ELAVL4: variants seen among roughly 807,000 people sequenced by gnomAD.
The protein encoded by ELAVL4 is ELAV-like protein 4.
In ELAVL4, 1 loss-of-function variant was observed where a neutral mutation model predicts 35.6. The observed-to-expected ratio is 0.03, with a 90% CI of 0.01 to 0.13. ELAVL4 has a LOEUF of 0.13. ELAVL4 is among the 10% of genes least tolerant of loss of function. The probability of loss-of-function intolerance (pLI) is 1.00; values close to 1 mark genes in which losing one functional copy is unlikely to be tolerated. For synonymous variants in ELAVL4, 156 were observed against 171.0 expected (o/e 0.91, Z 0.69); for missense variants, 267 against 464.9 (o/e 0.57, Z 3.91).
intron 1 of ELAVL4, among the ~76,000 whole-genome samples, chr1:50,140,179 T>G (rs1236361158): frequency 3.3e-5 from 5 of 152,228 alleles, no homozygotes; most frequent in Middle Eastern, 3.2e-3. Flanking sequence ...GCTTGGAACC[T>G]GGTCAGCTGC....
At chr1:50,149,026 C>CT (rs1674253795) in intron 2 of ELAVL4, among the ~76,000 whole-genome samples, 2 of 152,006 alleles carry the variant, frequency 1.3e-5, no homozygotes, top group East Asian at 1.9e-4. Context: ...ATTTCTTTGC[C>CT]TTTTTTGCAT....
At chr1:50,129,676 G>A (rs951926427) in intron 1 of ELAVL4, among the ~76,000 whole-genome samples, 14 of 152,076 alleles carry the variant, frequency 9.2e-5, no homozygotes, top group South Asian at 2.1e-4. Flanking sequence ...TGTTTGTGGA[G>A]CATTGTGAAG....
At chr1:50,157,998 T>A (rs1676053091) in intron 2 of ELAVL4, among the ~76,000 whole-genome samples, 1 of 152,202 alleles carries the variant, frequency 6.6e-6, no homozygotes, top group Non-Finnish European at 1.5e-5. Context: ...GATAGTCTAG[T>A]GATTAAGAGC....
chr1:50,142,716 A>G (rs1342321544), intron 1 of ELAVL4, among the ~76,000 whole-genome samples: 1 of 152,202 alleles, frequency 6.6e-6, no homozygotes, highest in Admixed American at 6.5e-5. Context: ...GGCAGTATCT[A>G]CTGAAGCTAA....
At chr1:50,128,774 A>G (rs1195292226) in intron 1 of ELAVL4, among the ~76,000 whole-genome samples, 1 of 152,126 alleles carries the variant, frequency 6.6e-6, no homozygotes, top group Non-Finnish European at 1.5e-5. Context: ...TGCTGGCTGC[A>G]GAAGCCTACA....
intron 2 of ELAVL4, among the ~76,000 whole-genome samples, chr1:50,173,255 A>G (rs1036024512): frequency 1.3e-5 from 2 of 152,226 alleles, no homozygotes; most frequent in East Asian, 1.9e-4. Context: ...TTGCCATGTC[A>G]TAGTAGGAGG....
intron 1 of ELAVL4, among the ~76,000 whole-genome samples, chr1:50,082,705 C>G (rs1222322603): frequency 6.6e-6 from 1 of 152,162 alleles, no homozygotes; most frequent in Admixed American, 6.6e-5. Context: ...CTTTTTAGAA[C>G]TTATGCCTTG....
chr1:50,188,818 G>A (rs959627860), intron 3 of ELAVL4, among the ~76,000 whole-genome samples: 4 of 152,230 alleles, frequency 2.6e-5, no homozygotes, highest in Non-Finnish European at 5.9e-5. Flanking sequence ...CCCTGGGGAA[G>A]AGTGGATGAA....
chr1:50,075,176 C>T (rs191858630), intron 1 of ELAVL4, among the ~76,000 whole-genome samples: 2 of 152,152 alleles, frequency 1.3e-5, no homozygotes, highest in Admixed American at 6.5e-5. Flanking sequence ...ATGTTTAAGA[C>T]GATGTAAGGC....
intron 1 of ELAVL4, among the ~76,000 whole-genome samples, chr1:50,061,040 G>A (rs1022343184): frequency 5.9e-5 from 9 of 152,248 alleles, no homozygotes; most frequent in South Asian, 4.1e-4. Flanking sequence ...TCAATATTCC[G>A]TGATACCTCT....
chr1:50,075,697 G>A (rs1181513731), intron 1 of ELAVL4, among the ~76,000 whole-genome samples: 2 of 152,212 alleles, frequency 1.3e-5, no homozygotes, highest in Non-Finnish European at 1.5e-5. Flanking sequence ...TGGTGTGAAA[G>A]CAATACACAT....
At chr1:50,200,738 C>G (rs1377029627) in intron 6 of ELAVL4, 113 bp from the exon 7 acceptor site, 3 of 1,520,590 alleles carry the variant, frequency 2.0e-6, no homozygotes, top group Non-Finnish European at 2.6e-6. Flanking sequence ...CCTGAAGACT[C>G]TCCTGTAAAC....
chr1:50,198,841 A>T (rs1038490648), intron 6 of ELAVL4, among the ~76,000 whole-genome samples: 4 of 152,128 alleles, frequency 2.6e-5, no homozygotes, highest in African/African-American at 9.7e-5. Flanking sequence ...CCAGATTTGG[A>T]TTTAGAACGC....
chr1:50,124,652 TC>T (rs1669585726), intron 1 of ELAVL4, among the ~76,000 whole-genome samples: 1 of 152,134 alleles, frequency 6.6e-6, no homozygotes, highest in Admixed American at 6.5e-5. Context: ...AGATAGGGTC[TC>T]ACTCTGTCAC....
chr1:50,106,248 T>C, upstream of ELAVL4: 1 of 1,512,100 alleles, frequency 6.6e-7, no homozygotes, highest in Non-Finnish European at 9.1e-7. Flanking sequence ...ATCTGGACTC[T>C]GTGTGGGAAA....
chr1:50,165,778 A>G (rs1014574231), intron 2 of ELAVL4, among the ~76,000 whole-genome samples: 15 of 137,696 alleles, frequency 1.1e-4, no homozygotes, highest in Admixed American at 7.4e-5. Flanking sequence ...ATATGTGTGT[A>G]TATATGTGTA....
chr1:50,109,617 C>T, intron 1 of ELAVL4: 1 of 415,158 alleles, frequency 2.4e-6, no homozygotes, highest in Non-Finnish European at 4.4e-6. Context: ...AATTTCCGTG[C>T]TGGAAATTTA....
chr1:50,063,593 C>T (rs1277371114), intron 1 of ELAVL4, among the ~76,000 whole-genome samples: 1 of 152,176 alleles, frequency 6.6e-6, no homozygotes, highest in Non-Finnish European at 1.5e-5. Flanking sequence ...TGTAAGACCT[C>T]TTCGAGCGTT....
intron 1 of ELAVL4, among the ~76,000 whole-genome samples, chr1:50,050,187 A>T (rs1161142223): frequency 1.3e-5 from 2 of 152,224 alleles, no homozygotes; most frequent in East Asian, 1.9e-4. Flanking sequence ...TGACATGAGA[A>T]TTAATATTAT....
Sources: gnomAD v4.1 joint callset for allele counts (sites outside exome capture counted in the v4.1 genomes callset) on GRCh38, gnomAD v4.1.1 for gene constraint, MANE v1.5 for transcripts, NCBI Gene and HGNC (gene_info 2026-07-23, HGNC 2026-07-21) for gene names.